The following MSRA variants were observed in gnomAD, a reference collection of about 807,000 sequenced individuals.
MSRA encodes the protein mitochondrial peptide methionine sulfoxide reductase.
A neutral mutation model predicts 31.3 loss-of-function variants in MSRA; 54 were observed. The ratio of observed to expected loss-of-function variants is 1.73; its 90% confidence interval spans 1.39 to 2.17. MSRA has a LOEUF of 2.17. Ranked by LOEUF, MSRA falls within the 30% of genes most tolerant of loss-of-function variation. The probability of loss-of-function intolerance (pLI) is 0.00; values close to 1 mark genes in which losing one functional copy is unlikely to be tolerated. For synonymous variants in MSRA, 169 were observed against 116.5 expected (o/e 1.45, Z -2.90); for missense variants, 507 against 300.9 (o/e 1.69, Z -5.07).
intron 5 of MSRA, among the ~76,000 whole-genome samples, chr8:10,355,630 C>T (rs1804463331): frequency 6.6e-6 from 1 of 152,118 alleles, no homozygotes; most frequent in African/African-American, 2.4e-5. Flanking sequence ...TGGGGTCAGG[C>T]AGTCAGGGTG....
chr8:10,344,841 CT>C (rs1394636913), intron 5 of MSRA, among the ~76,000 whole-genome samples: 3 of 152,100 alleles, frequency 2.0e-5, no homozygotes, highest in Admixed American at 1.3e-4. Flanking sequence ...TTTATTCTTC[CT>C]TAGTGTGTCA....
At chr8:10,338,923 CA>C in intron 5 of MSRA, among the ~76,000 whole-genome samples, 1 of 152,294 alleles carries the variant, frequency 6.6e-6, no homozygotes, top group South Asian at 2.1e-4. Context: ...AAATGCTCTA[CA>C]AATTTAAGTA....
rs4841309 is a variant in MSRA, at chr8:10,285,653, C to T, written c.332-15881C>T. Among the ~76,000 whole-genome samples the T allele has an allele frequency of 9.4e-3, 1,420 of 151,784 alleles. 7 individuals are homozygous for T. Among genetic ancestry groups the T allele is most frequent in the Non-Finnish European group, 0.015 (1,052 of 67,958 alleles). On this transcript the variant is annotated intron_variant, in intron 3 of 5. Transcript: ENST00000317173. ...GTCTCTCCCTATATCCCCTTCCCCCCACTCCTTCCCCGCCTCTGGTAACCA... is the reference window on the plus strand; with the variant it reads ...GTCTCTCCCTATATCCCCTTCCCCCTACTCCTTCCCCGCCTCTGGTAACCA...
intron 5 of MSRA, among the ~76,000 whole-genome samples, chr8:10,332,655 A>G (rs1802775162): frequency 1.3e-5 from 2 of 152,140 alleles, no homozygotes; most frequent in African/African-American, 4.8e-5. Context: ...CTTAGGCATA[A>G]TGGTTTAGTT....
At chr8:10,096,228 A>C in intron 1 of MSRA, 1 of 1,219,334 alleles carries the variant, frequency 8.2e-7, no homozygotes, top group Middle Eastern at 3.1e-4. Flanking sequence ...ATGCTGTCCT[A>C]AACTACATCC....
chr8:10,299,660 A>C (rs529044152), intron 3 of MSRA, among the ~76,000 whole-genome samples: 1 of 152,296 alleles, frequency 6.6e-6, no homozygotes, highest in South Asian at 2.1e-4. Flanking sequence ...GTTTTACTTC[A>C]CTAATAATAT....
At chr8:10,257,529 C>G (rs1490809319) in intron 3 of MSRA, among the ~76,000 whole-genome samples, 1 of 152,198 alleles carries the variant, frequency 6.6e-6, no homozygotes. Context: ...GCCTCAGCCT[C>G]TGGAGGAGCT....
intron 3 of MSRA, among the ~76,000 whole-genome samples, chr8:10,300,534 G>A (rs1373650147): frequency 4.6e-5 from 7 of 151,938 alleles, no homozygotes; most frequent in Admixed American, 2.0e-4. Context: ...GGGATTACAG[G>A]CATCCACCAC....
intron 1 of MSRA, among the ~76,000 whole-genome samples, chr8:10,095,143 G>T (rs1037702295): frequency 1.5e-4 from 23 of 152,320 alleles, no homozygotes; most frequent in East Asian, 3.9e-4. Context: ...ACAAGGAAAA[G>T]CAAGTCTTAT....
chr8:10,368,986 C>A (rs1221277943), intron 5 of MSRA, among the ~76,000 whole-genome samples: 4 of 152,148 alleles, frequency 2.6e-5, no homozygotes, highest in African/African-American at 9.7e-5. Flanking sequence ...TAACCAGGGA[C>A]CAACACCCGC....
chr8:10,108,606 T>C (rs1237746021), intron 1 of MSRA, among the ~76,000 whole-genome samples: 1 of 152,180 alleles, frequency 6.6e-6, no homozygotes, highest in African/African-American at 2.4e-5. Context: ...TTGATTCATT[T>C]TATAAACACC....
intron 5 of MSRA, among the ~76,000 whole-genome samples, chr8:10,380,234 T>C (rs1433368942): frequency 6.6e-6 from 1 of 152,230 alleles, no homozygotes; most frequent in Non-Finnish European, 1.5e-5. Context: ...ATTTCCTTTT[T>C]ATCTCTCTGG....
Position 10,318,629 on chromosome 8 carries a change from A to C in MSRA, c.437-1254A>C, listed in dbSNP as rs187268563. ...GAGAACAGCATTATAAAGCCTGTTT[A>C]GATCAATTTATGACAGTCAAATATT... is the stretch of plus-strand genomic sequence containing the variant. On this transcript the variant is annotated intron_variant, in intron 4 of 5. Coordinates refer to ENST00000317173, the MANE Select transcript of MSRA (RefSeq NM_012331.5). Among the ~76,000 whole-genome samples the C allele has an allele frequency of 4.6e-5, 7 of 152,328 alleles. No individual in the cohort carries two copies. The East Asian group carries it at 1.4e-3, about 29-fold the overall frequency.
chr8:10,077,547 T>A (rs578244464), intron 1 of MSRA, among the ~76,000 whole-genome samples: 257 of 141,708 alleles, frequency 1.8e-3, no homozygotes, highest in Admixed American at 4.1e-3. Context: ...GGTCTTCAAC[T>A]CATGAGCTCA....
chr8:10,128,757 A>G (rs1054117357), intron 1 of MSRA, among the ~76,000 whole-genome samples: 1 of 152,192 alleles, frequency 6.6e-6, no homozygotes, highest in African/African-American at 2.4e-5. Context: ...CTTCTTTTCT[A>G]TTCAACTCTT....
chr8:10,268,041 G>C (rs752126785), intron 3 of MSRA, among the ~76,000 whole-genome samples: 2 of 152,110 alleles, frequency 1.3e-5, no homozygotes, highest in Non-Finnish European at 2.9e-5. Flanking sequence ...GTGAGAGCAG[G>C]AATTTCTTCA....
intron 1 of MSRA, among the ~76,000 whole-genome samples, chr8:10,074,374 A>G (rs1005424796): frequency 6.6e-6 from 1 of 151,554 alleles, no homozygotes; most frequent in Non-Finnish European, 1.5e-5. Context: ...GAGCTGCCGC[A>G]CCCAGCCTGT....
intron 1 of MSRA, among the ~76,000 whole-genome samples, chr8:10,121,746 C>G (rs970567592): frequency 2.6e-5 from 4 of 151,902 alleles, no homozygotes; most frequent in African/African-American, 9.7e-5. Context: ...TCATAGCTTA[C>G]TACGGCTTCA....
At chr8:10,058,943 T>C (rs1802549669) in intron 1 of MSRA, 1 of 152,200 alleles carries the variant, frequency 6.6e-6, no homozygotes, top group Admixed American at 6.5e-5. Context: ...CCACCTAAAT[T>C]GGATTATAAC....
Sources: gnomAD v4.1 joint callset for allele counts (sites outside exome capture counted in the v4.1 genomes callset) on GRCh38, gnomAD v4.1.1 for gene constraint, MANE v1.5 for transcripts, NCBI Gene and HGNC (gene_info 2026-07-23, HGNC 2026-07-21) for gene names.